TADA2A: variants seen among roughly 807,000 people sequenced by gnomAD.
TADA2A encodes the protein transcriptional adaptor 2A.
TADA2A carries 38 observed loss-of-function variants against 67.4 expected under a neutral mutation model. That is an observed-to-expected ratio of 0.56 (90% CI 0.44 to 0.74). TADA2A has a LOEUF of 0.74. Among genes scored for constraint, TADA2A ranks in the 30% least tolerant of loss-of-function variants. The probability of loss-of-function intolerance (pLI) is 0.00; values close to 1 mark genes in which losing one functional copy is unlikely to be tolerated. For synonymous variants in TADA2A, 192 were observed against 181.6 expected, an observed-to-expected ratio of 1.06 and a Z score of -0.46; for missense variants, 454 against 547.0, an observed-to-expected ratio of 0.83 and a Z score of 1.70.
rs751224986 is a variant in TADA2A at position 37,458,595 on chromosome 17, T to TA, written c.668+14dup. 12 of 1,611,578 alleles carry TA rather than the reference T, an allele frequency of 7.4e-6. No individual in the cohort carries two copies. The South Asian group carries it at 8.8e-5, about 12-fold the overall frequency. ...GAGACAAAGACGAAAAAAGTAAGTA[T>TA]AAAAAACCATCCTGGCCTCCTTTCA... On this transcript the variant is annotated intron_variant, in intron 9 of 15. Coordinates refer to ENST00000615182, the MANE Select transcript of TADA2A (RefSeq NM_001166105.3).
chr17:37,417,815 A>G (rs1325332744), intron 2 of TADA2A, among the ~76,000 whole-genome samples: 5 of 152,184 alleles, frequency 3.3e-5, no homozygotes, highest in Non-Finnish European at 7.4e-5. Flanking sequence ...GATTACAGGC[A>G]TGAGCCACCA....
At chr17:37,450,190 C>T (rs1455484134) in intron 8 of TADA2A, among the ~76,000 whole-genome samples, 1 of 152,224 alleles carries the variant, frequency 6.6e-6, no homozygotes, top group Non-Finnish European at 1.5e-5. Flanking sequence ...GTTGGATAAG[C>T]TTGGCCTAAT....
chr17:37,425,958 A>C (rs1597864235), intron 3 of TADA2A, among the ~76,000 whole-genome samples: 1 of 144,588 alleles, frequency 6.9e-6, no homozygotes, highest in Non-Finnish European at 1.5e-5. Flanking sequence ...GGGACTTTTT[A>C]TTTTTCTTTA....
chr17:37,432,082 A>C (rs12452080), intron 4 of TADA2A, among the ~76,000 whole-genome samples: 1 of 151,632 alleles, frequency 6.6e-6, no homozygotes. Context: ...TTGGTTTTGC[A>C]TATTCTAGAA....
chr17:37,411,243 C>T, intron 1 of TADA2A, 26 bp from the exon 2 acceptor site: 1 of 826,712 alleles, frequency 1.2e-6, no homozygotes, highest in Non-Finnish European at 2.1e-6. Context: ...TTTTCTGATC[C>T]ATGTGCCACT....
rs950933107 is a variant in TADA2A at position 37,421,310 on chromosome 17, G to C, written c.26-2199G>C. Among the ~76,000 whole-genome samples the C allele has an allele frequency of 4.1e-4, 59 of 145,620 alleles. 12 individuals carry two copies. The highest frequency in any genetic ancestry group is 9.0e-4 in the South Asian group (4 of 4,436). On this transcript the variant is annotated intron_variant, in intron 2 of 15. Coordinates refer to ENST00000615182, the MANE Select transcript of TADA2A (RefSeq NM_001166105.3). Reference sequence around the variant, plus strand: ...AGGAACACCTGAGCCTGGGGAGATTGAAGCCACAGTGAGCCATGATCTCAC... The same window carrying C: ...AGGAACACCTGAGCCTGGGGAGATTCAAGCCACAGTGAGCCATGATCTCAC...
At chr17:37,446,103 GTT>G (rs200210448) in intron 8 of TADA2A, among the ~76,000 whole-genome samples, 1,248 of 116,980 alleles carry the variant, frequency 0.011, 11 homozygotes, top group East Asian at 0.053. Flanking sequence ...TTTTGGGGGG[GTT>G]TTTTTTTTTT....
At chr17:37,425,944 T>C (rs984897877) in intron 3 of TADA2A, among the ~76,000 whole-genome samples, 1 of 151,600 alleles carries the variant, frequency 6.6e-6, no homozygotes, top group African/African-American at 2.4e-5. Flanking sequence ...CCAGGCCTAC[T>C]TCAGGGACTT....
chr17:37,459,748 A>G (rs959778736), intron 9 of TADA2A, among the ~76,000 whole-genome samples: 1 of 151,534 alleles, frequency 6.6e-6, no homozygotes, highest in Non-Finnish European at 1.5e-5. Flanking sequence ...GCGCACCACC[A>G]CACTTGGCTA....
chr17:37,461,842 C>T, intron 9 of TADA2A: 1 of 382,436 alleles, frequency 2.6e-6, no homozygotes. Context: ...ATTCGTTCAG[C>T]AAATAGTCAT....
intron 9 of TADA2A, among the ~76,000 whole-genome samples, chr17:37,459,863 C>T (rs1182988910): frequency 6.6e-6 from 1 of 150,766 alleles, no homozygotes; most frequent in African/African-American, 2.4e-5. Flanking sequence ...GTCAGGAGTT[C>T]AAGACCAGCC....
At chr17:37,413,741 T>C (rs1324037117) in intron 2 of TADA2A, among the ~76,000 whole-genome samples, 1 of 151,936 alleles carries the variant, frequency 6.6e-6, no homozygotes, top group Non-Finnish European at 1.5e-5. Context: ...TGCAAAAAGA[T>C]GATTCCCCCC....
intron 4 of TADA2A, among the ~76,000 whole-genome samples, chr17:37,433,705 C>T (rs117795232): frequency 0.13 from 19,571 of 151,790 alleles, 1,417 homozygotes; most frequent in East Asian, 0.25. Flanking sequence ...GTAATCCCAG[C>T]ATTTTGGGAG....
At chr17:37,444,914 T>C in intron 8 of TADA2A, 146 bp downstream of exon 8, 1 of 742,886 alleles carries the variant, frequency 1.3e-6, no homozygotes, top group Non-Finnish European at 2.2e-6. Context: ...GAACTTACTG[T>C]GTTGTTGGAT....
intron 3 of TADA2A, among the ~76,000 whole-genome samples, chr17:37,425,706 T>C (rs985581596): frequency 6.6e-6 from 1 of 152,118 alleles, no homozygotes; most frequent in Admixed American, 6.6e-5. Flanking sequence ...TGGAGTGCAG[T>C]GGCATGATCA....
chr17:37,462,896 T>C (rs1016471727), intron 10 of TADA2A, among the ~76,000 whole-genome samples: 3 of 152,214 alleles, frequency 2.0e-5, no homozygotes, highest in African/African-American at 7.2e-5. Flanking sequence ...TGATATTTAA[T>C]ATTATATGAC....
intron 2 of TADA2A, among the ~76,000 whole-genome samples, chr17:37,413,323 C>T (rs192972283): frequency 6.6e-6 from 1 of 152,260 alleles, no homozygotes; most frequent in African/African-American, 2.4e-5. Context: ...ACATCTAGTT[C>T]AACTCTTTCA....
At chr17:37,439,584 G>C in intron 5 of TADA2A, among the ~76,000 whole-genome samples, 1 of 151,996 alleles carries the variant, frequency 6.6e-6, no homozygotes, top group East Asian at 1.9e-4. Flanking sequence ...TGCCTGGCCA[G>C]ATTCTTAAGC....
chr17:37,433,608 A>G (rs1448460051), intron 4 of TADA2A, among the ~76,000 whole-genome samples: 1 of 152,076 alleles, frequency 6.6e-6, no homozygotes, highest in Non-Finnish European at 1.5e-5. Flanking sequence ...ACAGTGAGCC[A>G]TGATCACACC....
Sources: gnomAD v4.1 joint callset for allele counts (sites outside exome capture counted in the v4.1 genomes callset) on GRCh38, gnomAD v4.1.1 for gene constraint, MANE v1.5 for transcripts, NCBI Gene and HGNC (gene_info 2026-07-23, HGNC 2026-07-21) for gene names.